The following CPB2 variants were observed in gnomAD, a reference collection of about 807,000 sequenced individuals.
CPB2 encodes carboxypeptidase B2, also known as carboxypeptidase B-like protein.
Under a neutral mutation model 57.0 loss-of-function variants are expected in CPB2, and 54 were observed. The observed-to-expected ratio is 0.95, with a 90% CI of 0.76 to 1.19. The LOEUF is 1.19. Ranked by LOEUF, CPB2 falls within the 50% of genes most tolerant of loss-of-function variation. The pLI is 0.00. For missense variants in CPB2, 426 were observed against 512.0 expected (o/e 0.83, Z 1.62); for synonymous variants, 189 against 178.1 (o/e 1.06, Z -0.49).
At chr13:46,098,735 A>T (rs17843997) in intron 1 of CPB2, 29,658 of 152,244 alleles carry the variant, frequency 0.19, 3,495 homozygotes, top group Non-Finnish European at 0.28. Context: ...CCAGTTTGGG[A>T]CAACTTTACC....
intron 4 of CPB2, among the ~76,000 whole-genome samples, chr13:46,079,272 T>A (rs904195311): frequency 2.0e-5 from 3 of 152,138 alleles, no homozygotes; most frequent in Non-Finnish European, 2.9e-5. Context: ...GAGACTTTTT[T>A]AAAAATGCAC....
intron 6 of CPB2, among the ~76,000 whole-genome samples, chr13:46,071,635 C>T (rs781271439): frequency 3.3e-5 from 5 of 152,170 alleles, no homozygotes; most frequent in East Asian, 1.9e-4. Flanking sequence ...GGTCAGTGCA[C>T]GATAGCAATA....
At chr13:46,104,225 A>T (rs181075282) in intron 1 of CPB2, among the ~76,000 whole-genome samples, 246 of 152,356 alleles carry the variant, frequency 1.6e-3, no homozygotes, top group African/African-American at 5.8e-3. Flanking sequence ...GGAGAAAGCG[A>T]TCATAGAACC....
chr13:46,076,759 A>G (rs1162851543), intron 5 of CPB2, among the ~76,000 whole-genome samples: 1 of 152,210 alleles, frequency 6.6e-6, no homozygotes, highest in Non-Finnish European at 1.5e-5. Context: ...ATGGATTAGA[A>G]TAGAGAACCC....
chr13:46,090,886 G>A (rs751948372), intron 1 of CPB2, among the ~76,000 whole-genome samples: 2 of 150,894 alleles, frequency 1.3e-5, no homozygotes, highest in Non-Finnish European at 1.5e-5. Context: ...CAACACACCT[G>A]GCTAATTTTT....
At chr13:46,084,616 A>T (rs1203454477) in intron 2 of CPB2, among the ~76,000 whole-genome samples, 3 of 152,184 alleles carry the variant, frequency 2.0e-5, no homozygotes, top group Non-Finnish European at 2.9e-5. Flanking sequence ...GACAATGATG[A>T]ATGAATGACT....
intron 8 of CPB2, among the ~76,000 whole-genome samples, chr13:46,060,458 CCA>C (rs56726432): frequency 0.78 from 118,374 of 150,954 alleles, 46,741 homozygotes; most frequent in African/African-American, 0.87. Flanking sequence ...CAAGACCCTG[CCA>C]CACACACACA....
rs1360672792 is a variant in CPB2 at position 46,073,115 on chromosome 13, A to T, written c.591+758T>A. On this transcript the variant is annotated intron_variant, in intron 6 of 10. Transcript: ENST00000181383. ...TATCTTGATGTACTTAATAAGTGCC[A>T]ATATCTTAATTTCCTAACTCATTTA... 2.0e-5 allele frequency among the ~76,000 whole-genome samples: 3 copies of T among 152,232 alleles called. No homozygotes were observed. In the East Asian group the frequency reaches 5.8e-4, roughly 29 times the overall value.
At chr13:46,094,422 C>T (rs1000108087) in intron 1 of CPB2, among the ~76,000 whole-genome samples, 2 of 152,142 alleles carry the variant, frequency 1.3e-5, no homozygotes, top group Non-Finnish European at 2.9e-5. Context: ...TGTTAACATG[C>T]CCAGCACTTC....
intron 8 of CPB2, 91 bp downstream of exon 8, chr13:46,064,557 C>T: frequency 1.0e-6 from 1 of 1,000,478 alleles, no homozygotes; most frequent in Non-Finnish European, 1.6e-6. Flanking sequence ...GACAGGCCAG[C>T]TCTGTATTTA....
chr13:46,076,409 C>G (rs2045023351), intron 5 of CPB2, among the ~76,000 whole-genome samples: 1 of 149,972 alleles, frequency 6.7e-6, no homozygotes, highest in Admixed American at 6.6e-5. Flanking sequence ...AAAAAAAAAC[C>G]TATAATAAAT....
chr13:46,091,953 A>G lies in CPB2; in HGVS notation c.75-4133T>C, dbSNP rs150949426. Among the ~76,000 whole-genome samples the G allele has an allele frequency of 4.5e-3, 681 of 152,360 alleles. 4 individuals are homozygous for G. The highest frequency in any genetic ancestry group is 0.014 in the Middle Eastern group (4 of 294). On this transcript the variant is annotated intron_variant, in intron 1 of 10. Transcript: ENST00000181383. ...GCAATGGCATTCTCAGGTTTCCAGT[A>G]TACCACTGAGTAACCTCACAAGAAC...
At chr13:46,075,017 AC>A (rs1228722373) in intron 5 of CPB2, among the ~76,000 whole-genome samples, 1 of 152,164 alleles carries the variant, frequency 6.6e-6, no homozygotes, top group Non-Finnish European at 1.5e-5. Flanking sequence ...ATGGACTGGT[AC>A]CTGTCTGCAG....
chr13:46,073,969 T>C lies in CPB2; in HGVS notation c.495A>G (p.Gly165=). ...TGGCATTTTTGGCTGCTTGTTCTTTTCCAGAAACCTGCTCAAAGAAACCCC... is the reference window on the plus strand; with the variant it reads ...TGGCATTTTTGGCTGCTTGTTCTTTCCCAGAAACCTGCTCAAAGAAACCCC... ...KYPLYVLKVS[G]KEQAAKNAIW... The change falls in exon 6 of 11, where the codon GGA becomes GGG. Residue 165 remains glycine, a synonymous_variant. Transcript: ENST00000181383. 6.3e-7 allele frequency: 1 copy of C among 1,576,646 alleles called. No homozygotes were observed. The highest frequency in any genetic ancestry group is 2.3e-5 in the East Asian group (1 of 44,128).
At chr13:46,098,951 A>G (rs1326440233) in intron 1 of CPB2, 1 of 152,244 alleles carries the variant, frequency 6.6e-6, no homozygotes, top group Non-Finnish European at 1.5e-5. Flanking sequence ...CAACTGATAC[A>G]AATGCCTATT....
chr13:46,082,651 A>G, intron 3 of CPB2, 102 bp from the exon 4 acceptor site: 2 of 645,134 alleles, frequency 3.1e-6, no homozygotes, highest in Middle Eastern at 3.7e-4. Context: ...AAAAAAAATC[A>G]CTAAGAAACT....
At chr13:46,077,795 A>G (rs1034160450) in intron 5 of CPB2, among the ~76,000 whole-genome samples, 6 of 152,150 alleles carry the variant, frequency 3.9e-5, no homozygotes, top group Middle Eastern at 3.2e-3. Context: ...AAGGAATAAA[A>G]TCCTATCATT....
chr13:46,065,549 C>T (rs113147136), intron 7 of CPB2, among the ~76,000 whole-genome samples: 4 of 145,140 alleles, frequency 2.8e-5, no homozygotes, highest in African/African-American at 7.7e-5. Context: ...ATGGCATGAA[C>T]CTGGGAGGCG....
intron 1 of CPB2, among the ~76,000 whole-genome samples, chr13:46,102,612 A>G (rs2045451039): frequency 8.1e-6 from 1 of 122,830 alleles, no homozygotes; most frequent in Non-Finnish European, 1.8e-5. Flanking sequence ...TTTTTTTTAG[A>G]AGGGTTGATA....
Sources: allele counts gnomAD v4.1 joint callset (sites outside exome capture counted in the v4.1 genomes callset), GRCh38; gene constraint gnomAD v4.1.1; transcripts MANE v1.5; gene names NCBI Gene and HGNC (gene_info 2026-07-23, HGNC 2026-07-21).